The following PCLO variants were observed in gnomAD, a reference collection of about 807,000 sequenced individuals.
The protein encoded by PCLO is protein piccolo.
Under a neutral mutation model 427.5 loss-of-function variants are expected in PCLO, and 82 were observed. The ratio of observed to expected loss-of-function variants is 0.19; its 90% CI spans 0.16 to 0.23. The LOEUF is 0.23. Ranked by LOEUF, PCLO falls within the 10% of genes least tolerant of loss-of-function variation. The pLI is 1.00. For missense variants in PCLO, 6,239 were observed against 6,115.9 expected (o/e 1.02, Z -0.67); for synonymous variants, 2,357 against 2,155.4 (o/e 1.09, Z -2.59).
At chr7:82,841,875 T>C (rs1194848003) in intron 13 of PCLO, among the ~76,000 whole-genome samples, 1 of 152,122 alleles carries the variant, frequency 6.6e-6, no homozygotes. Context: ...AATAAAAGAT[T>C]GGTTTAATAC....
At chr7:82,944,094 T>C (rs1013233261) in intron 6 of PCLO, among the ~76,000 whole-genome samples, 2 of 128,118 alleles carry the variant, frequency 1.6e-5, no homozygotes, top group African/African-American at 6.1e-5. Flanking sequence ...TGAAGTGAGA[T>C]CGTGTCATTA....
chr7:82,835,561 T>C (rs766321481), intron 16 of PCLO, 106 bp downstream of exon 16: 6 of 765,198 alleles, frequency 7.8e-6, no homozygotes, highest in Non-Finnish European at 1.3e-5. Flanking sequence ...TAGAAAAATA[T>C]AAGTTACAGC....
At position 82,983,834 on chromosome 7, in the gene PCLO, G is replaced by C. The variant is rs143688261; in HGVS notation, c.3301-17347C>G. ...CTTTTACATTCTGTGTGAAAGTCAG[G>C]ATAATCTCACTGCAGCAATTCTAAG... On this transcript the variant is annotated intron_variant, in intron 3 of 24. Coordinates refer to ENST00000333891, the MANE Select transcript of PCLO (RefSeq NM_033026.6). 3.9e-5 allele frequency among the ~76,000 whole-genome samples: 6 copies of C among 151,924 alleles called. No homozygotes were observed. In the East Asian group the frequency reaches 1.2e-3, roughly 29 times the overall value.
intron 3 of PCLO, among the ~76,000 whole-genome samples, chr7:83,024,465 A>C (rs1402300566): frequency 6.6e-6 from 1 of 152,150 alleles, no homozygotes; most frequent in Non-Finnish European, 1.5e-5. Context: ...ACGCCCACGG[A>C]GTCTCGCTGA....
At chr7:82,778,060 C>T (rs1290787515) in intron 22 of PCLO, among the ~76,000 whole-genome samples, 1 of 152,056 alleles carries the variant, frequency 6.6e-6, no homozygotes, top group Admixed American at 6.6e-5. Flanking sequence ...GGAACTTAAA[C>T]AAATTACAAG....
intron 3 of PCLO, among the ~76,000 whole-genome samples, chr7:82,996,325 T>C (rs2115876637): frequency 6.6e-6 from 1 of 152,090 alleles, no homozygotes; most frequent in East Asian, 1.9e-4. Context: ...GAGGAAAACA[T>C]TTATTTTAAA....
intron 6 of PCLO, among the ~76,000 whole-genome samples, chr7:82,941,620 TATG>T (rs1408048632): frequency 6.9e-6 from 1 of 144,202 alleles, no homozygotes; most frequent in East Asian, 1.9e-4. Context: ...TTTTATTAGT[TATG>T]AGACTATGAA....
chr7:82,843,664 CA>C (rs1792424974), intron 13 of PCLO, among the ~76,000 whole-genome samples: 1 of 135,712 alleles, frequency 7.4e-6, no homozygotes, highest in African/African-American at 2.5e-5. Flanking sequence ...ACAACGTATT[CA>C]TTTTTTTTTT....
intron 3 of PCLO, among the ~76,000 whole-genome samples, chr7:83,123,944 GA>G (rs1187876463): frequency 5.2e-4 from 22 of 42,522 alleles, no homozygotes; most frequent in Admixed American, 1.9e-3. Context: ...ATACAAGAGA[GA>G]AACTCTGTCT....
intron 3 of PCLO, among the ~76,000 whole-genome samples, chr7:83,098,121 T>C (rs938729256): frequency 1.3e-5 from 2 of 152,082 alleles, no homozygotes; most frequent in African/African-American, 4.8e-5. Context: ...ATATGCTTTA[T>C]ATGGATGTCA....
At chr7:83,011,338 T>C (rs1290004026) in intron 3 of PCLO, among the ~76,000 whole-genome samples, 1 of 152,092 alleles carries the variant, frequency 6.6e-6, no homozygotes, top group Non-Finnish European at 1.5e-5. Flanking sequence ...ATACTTGTTT[T>C]AAACATTTTA....
intron 9 of PCLO, among the ~76,000 whole-genome samples, chr7:82,884,846 C>T (rs549597731): frequency 2.6e-4 from 39 of 151,360 alleles, no homozygotes; most frequent in African/African-American, 7.3e-4. Flanking sequence ...TGAAACTCTA[C>T]GATGATGGAA....
In PCLO at chr7:82,897,233, C is replaced by T. The variant is rs1375674586; in HGVS notation, c.13528+5418G>A. Reference sequence around the variant, plus strand: ...TACATGTGTTAGAGCTGAATTTCAACACAGAGATTTATAATTCCAAAACGT... The same window carrying T: ...TACATGTGTTAGAGCTGAATTTCAATACAGAGATTTATAATTCCAAAACGT... On this transcript the variant is annotated intron_variant, in intron 9 of 24. Coordinates refer to ENST00000333891, the MANE Select transcript of PCLO (RefSeq NM_033026.6). Among the ~76,000 whole-genome samples the T allele has an allele frequency of 3.3e-5, 5 of 151,684 alleles. No individual in the cohort carries two copies. The East Asian group carries it at 9.7e-4, about 30-fold the overall frequency.
At chr7:83,132,884 T>C (rs1223229558) in intron 3 of PCLO, among the ~76,000 whole-genome samples, 2 of 152,036 alleles carry the variant, frequency 1.3e-5, no homozygotes, top group Admixed American at 1.3e-4. Context: ...AAAACTGCTC[T>C]TCTAAAAGTG....
At chr7:83,072,137 CATG>C (rs1452104200) in intron 3 of PCLO, among the ~76,000 whole-genome samples, 2 of 151,934 alleles carry the variant, frequency 1.3e-5, no homozygotes, top group African/African-American at 4.8e-5. Context: ...ATAATAGTTA[CATG>C]ATAATGATTT....
chr7:82,994,133 A>G (rs1400127798), intron 3 of PCLO, among the ~76,000 whole-genome samples: 1 of 152,036 alleles, frequency 6.6e-6, no homozygotes, highest in Non-Finnish European at 1.5e-5. Context: ...TAGACTCAAT[A>G]CAAGATATAA....
At chr7:82,761,665 C>G (rs1790435438) in intron 22 of PCLO, among the ~76,000 whole-genome samples, 172 bp from the exon 23 acceptor site, 1 of 151,898 alleles carries the variant, frequency 6.6e-6, no homozygotes. Flanking sequence ...TATTTATTTA[C>G]AGGTGAATAA....
chr7:82,800,809 A>T (rs1038921547), intron 22 of PCLO, among the ~76,000 whole-genome samples: 3 of 151,520 alleles, frequency 2.0e-5, no homozygotes, highest in Non-Finnish European at 4.4e-5. Flanking sequence ...TTGGTCTCGA[A>T]CTCCTGACCT....
In PCLO at chr7:82,847,234, C is replaced by T. The variant is rs1792527193; in HGVS notation, c.13668G>A (p.Leu4556=). 2 of 1,580,320 alleles carry T rather than the reference C, an allele frequency of 1.3e-6. No individual in the cohort carries two copies. Among genetic ancestry groups the T allele is most frequent in the South Asian group, 1.1e-5 (1 of 89,322 alleles). The change falls in exon 11 of 25, where the codon TTG becomes TTA. Residue 4556 remains leucine, a synonymous_variant. Coordinates refer to ENST00000333891, the MANE Select transcript of PCLO (RefSeq NM_033026.6). Reference sequence around the variant, plus strand: ...AAGTCAAGGGAATTCCATTCCATTCCAATACTTGCATCCCTAGAAAGACAA... The same window carrying T: ...AAGTCAAGGGAATTCCATTCCATTCTAATACTTGCATCCCTAGAAAGACAA... ...TGKLMEGMQV[L]EWNGIPLTSK... is the part of the protein sequence containing the mutation.
Sources: gnomAD v4.1 joint callset for allele counts (sites outside exome capture counted in the v4.1 genomes callset) on GRCh38, gnomAD v4.1.1 for gene constraint, MANE v1.5 for transcripts, NCBI Gene and HGNC (gene_info 2026-07-23, HGNC 2026-07-21) for gene names.